Variants in TENM3 observed in about 807,000 individuals in gnomAD.
TENM3 encodes teneurin-3.
TENM3 carries 63 observed loss-of-function variants against 255.1 expected under a neutral mutation model. The ratio of observed to expected loss-of-function variants is 0.25; its 90% CI spans 0.20 to 0.30. TENM3 has a LOEUF of 0.30. TENM3 is among the 10% of genes least tolerant of loss of function. The pLI is 1.00. For missense variants in TENM3, 2,929 were observed against 3,461.1 expected, an observed-to-expected ratio of 0.85 and a Z score of 3.86; for synonymous variants, 1,306 against 1,322.3, an observed-to-expected ratio of 0.99 and a Z score of 0.27.
intron 2 of TENM3, among the ~76,000 whole-genome samples, chr4:182,335,413 T>G (rs559938169): frequency 3.0e-4 from 39 of 129,458 alleles, no homozygotes; most frequent in African/African-American, 9.9e-4. Context: ...GAGAATGGCG[T>G]GAACCCGGGA....
chr4:182,206,503 G>A (rs528162871), intron 1 of TENM3, among the ~76,000 whole-genome samples: 195 of 152,192 alleles, frequency 1.3e-3, no homozygotes, highest in Non-Finnish European at 2.3e-3. Context: ...GAATGCCTTC[G>A]CCCTACCCGC....
chr4:182,257,639 G>T (rs1758497442), intron 1 of TENM3, among the ~76,000 whole-genome samples: 1 of 152,172 alleles, frequency 6.6e-6, no homozygotes, highest in Non-Finnish European at 1.5e-5. Context: ...GCAAGTTGTG[G>T]TTAGTGAAGG....
chr4:182,008,815 GT>G, the TENM3 span, among the ~76,000 whole-genome samples: 5 of 151,950 alleles, frequency 3.3e-5, no homozygotes, highest in African/African-American at 1.2e-4. Flanking sequence ...GGCCTTTTGG[GT>G]TTTCAGCATT....
chr4:182,312,176 AC>A (rs1762484606), intron 1 of TENM3, among the ~76,000 whole-genome samples: 1 of 152,162 alleles, frequency 6.6e-6, no homozygotes, highest in African/African-American at 2.4e-5. Flanking sequence ...TGTGTAAAAT[AC>A]CCAGCATGAA....
At chr4:182,290,554 G>A (rs1375252207) in intron 1 of TENM3, among the ~76,000 whole-genome samples, 1 of 152,106 alleles carries the variant, frequency 6.6e-6, no homozygotes, top group Non-Finnish European at 1.5e-5. Context: ...CCAGGCAGGA[G>A]TGCGGTGGCA....
chr4:182,015,556 T>TTATTTATTTATTTATA, the TENM3 span, among the ~76,000 whole-genome samples: 1 of 151,656 alleles, frequency 6.6e-6, no homozygotes, highest in African/African-American at 2.4e-5. Context: ...TAATTTTTAT[T>TTATTTATTTATTTATA]TATTTATTTA....
chr4:181,589,938 G>A, the TENM3 span, among the ~76,000 whole-genome samples: 2 of 152,116 alleles, frequency 1.3e-5, no homozygotes, highest in African/African-American at 2.4e-5. Context: ...CAGAAGGGAG[G>A]TCAGCCTGAT....
intron 12 of TENM3, among the ~76,000 whole-genome samples, chr4:182,705,857 A>G (rs1579176758): frequency 6.6e-6 from 1 of 151,794 alleles, no homozygotes; most frequent in East Asian, 1.9e-4. Context: ...ACTTGTTTTT[A>G]TTTTTCCTGG....
chr4:181,485,363 A>C, the TENM3 span, among the ~76,000 whole-genome samples: 1 of 152,182 alleles, frequency 6.6e-6, no homozygotes, highest in African/African-American at 2.4e-5. Flanking sequence ...AGCTAGAAAT[A>C]GTAACGTTTC....
At chr4:182,342,229 A>G (rs1009235563) in intron 2 of TENM3, among the ~76,000 whole-genome samples, 1 of 152,248 alleles carries the variant, frequency 6.6e-6, no homozygotes, top group Non-Finnish European at 1.5e-5. Flanking sequence ...AAAGATAGAG[A>G]TAACTCAAAT....
At chr4:182,547,242 C>T (rs1741539769) in intron 3 of TENM3, among the ~76,000 whole-genome samples, 1 of 152,020 alleles carries the variant, frequency 6.6e-6, no homozygotes, top group Non-Finnish European at 1.5e-5. Flanking sequence ...TTTAGATCTT[C>T]TTAGGTTTGT....
the TENM3 span, among the ~76,000 whole-genome samples, chr4:181,857,769 A>G: frequency 6.6e-6 from 1 of 151,970 alleles, no homozygotes; most frequent in Non-Finnish European, 1.5e-5. Context: ...CAAACAAAAA[A>G]AAAAGAGAGA....
At chr4:182,110,491 AT>A in the TENM3 span, among the ~76,000 whole-genome samples, 17 of 149,590 alleles carry the variant, frequency 1.1e-4, no homozygotes, top group African/African-American at 4.2e-4. Context: ...CACCCAGCTA[AT>A]TTTTTTTTTC....
Position 182,800,276 on chromosome 4 carries a change from GGAGCAGTACCCC to G in TENM3, c.8030_8041del (p.Gln2677_Glu2680del). 6.3e-7 allele frequency: 1 copy of G among 1,594,392 alleles called. No homozygotes were observed. Among genetic ancestry groups the G allele is most frequent in the Non-Finnish European group, 8.5e-7 (1 of 1,178,520 alleles). On this transcript the variant is annotated inframe_deletion, in exon 28 of 28. Transcript: ENST00000511685. ...ACGACGGGTACTACGTACTCTCGGT[GGAGCAGTACCCC>G]GAGCTGGCCGACAGCGCCAACAACA...
At chr4:182,691,363 T>C (rs1410583236) in intron 12 of TENM3, among the ~76,000 whole-genome samples, 1 of 152,240 alleles carries the variant, frequency 6.6e-6, no homozygotes, top group Non-Finnish European at 1.5e-5. Context: ...GGAAGGTTAA[T>C]TGAAAGAGAA....
the TENM3 span, among the ~76,000 whole-genome samples, chr4:182,004,951 G>T: frequency 6.6e-6 from 1 of 152,234 alleles, no homozygotes; most frequent in African/African-American, 2.4e-5. Flanking sequence ...TACGTTCCTT[G>T]TAAATTCTGG....
intron 3 of TENM3, among the ~76,000 whole-genome samples, chr4:182,495,517 G>A (rs532332966): frequency 2.0e-5 from 3 of 151,888 alleles, no homozygotes; most frequent in Admixed American, 2.0e-4. Context: ...AAAAAAAAAT[G>A]ACTGTATGAA....
At chr4:181,560,715 ACT>A in the TENM3 span, among the ~76,000 whole-genome samples, 2 of 152,092 alleles carry the variant, frequency 1.3e-5, no homozygotes, top group Non-Finnish European at 2.9e-5. Context: ...CAGCTGCATG[ACT>A]CTACCCGTGA....
intron 3 of TENM3, among the ~76,000 whole-genome samples, chr4:182,524,856 GA>G (rs945410187): frequency 7.1e-6 from 1 of 140,772 alleles, no homozygotes; most frequent in Non-Finnish European, 1.6e-5. Context: ...AAAAAAAAAA[GA>G]AAAGAAAAGA....
Sources: allele counts gnomAD v4.1 joint callset (sites outside exome capture counted in the v4.1 genomes callset), GRCh38; gene constraint gnomAD v4.1.1; transcripts MANE v1.5; gene names NCBI Gene and HGNC (gene_info 2026-07-23, HGNC 2026-07-21).